The following ZC3H3 variants were observed in gnomAD, a reference collection of about 807,000 sequenced individuals.
ZC3H3 encodes zinc finger CCCH-type containing 3.
Under a neutral mutation model 77.3 loss-of-function variants are expected in ZC3H3, and 36 were observed. The ratio of observed to expected loss-of-function variants is 0.47; its 90% CI spans 0.36 to 0.61. The LOEUF is 0.61. Ranked by LOEUF, ZC3H3 falls within the 20% of genes least tolerant of loss-of-function variation. ZC3H3 has a pLI of 0.00. For synonymous variants in ZC3H3, 626 were observed against 555.2 expected, an observed-to-expected ratio of 1.13 and a Z score of -1.79; for missense variants, 1,331 against 1,312.2, an observed-to-expected ratio of 1.01 and a Z score of -0.22.
chr8:143,524,593 G>A (rs138078195), intron 3 of ZC3H3, among the ~76,000 whole-genome samples: 1 of 152,368 alleles, frequency 6.6e-6, no homozygotes, highest in Non-Finnish European at 1.5e-5. Flanking sequence ...TCAAGGAAGC[G>A]GCCAACAGCA....
chr8:143,449,886 C>T (rs1454599562), intron 9 of ZC3H3, among the ~76,000 whole-genome samples: 1 of 151,646 alleles, frequency 6.6e-6, no homozygotes, highest in South Asian at 2.1e-4. Flanking sequence ...AACCTTTGCT[C>T]CAGTTCCCAA....
intron 9 of ZC3H3, among the ~76,000 whole-genome samples, chr8:143,464,750 C>T (rs998494603): frequency 6.6e-6 from 1 of 152,150 alleles, no homozygotes; most frequent in Non-Finnish European, 1.5e-5. Flanking sequence ...GGCAGTGAGC[C>T]GTGCTGCAGG....
Position 143,448,305 on chromosome 8 carries a change from T to TA in ZC3H3, c.2308-7186dup, listed in dbSNP as rs1210664735. Among the ~76,000 whole-genome samples the TA allele has an allele frequency of 7.9e-3, 1,079 of 136,410 alleles. 9 individuals carry two copies. Among genetic ancestry groups the TA allele is most frequent in the Non-Finnish European group, 7.8e-3 (488 of 62,792 alleles). The allele number at this position is 136,410 out of a possible 152,430, so 89.5% of individuals were successfully genotyped here. A position where few individuals can be genotyped will look rare whatever the true frequency, so the allele number is the denominator to read the frequency against. On this transcript the variant is annotated intron_variant, in intron 9 of 11. Transcript: ENST00000262577. ...TGGGCAACAAGACTGAAACTCTGTCTAAAAAAAAAAAAAGAGACCAGGCAA... is the reference window on the plus strand; with the variant it reads ...TGGGCAACAAGACTGAAACTCTGTCTAAAAAAAAAAAAAAGAGACCAGGCAA...
chr8:143,480,586 C>G (rs956221651), intron 4 of ZC3H3, among the ~76,000 whole-genome samples: 1 of 152,264 alleles, frequency 6.6e-6, no homozygotes, highest in Non-Finnish European at 1.5e-5. Context: ...AGTGCACTGC[C>G]TGCCCCCAGG....
chr8:143,515,076 T>A (rs1403803076), intron 3 of ZC3H3, among the ~76,000 whole-genome samples: 1 of 152,228 alleles, frequency 6.6e-6, no homozygotes, highest in African/African-American at 2.4e-5. Context: ...CCGTCTGGAT[T>A]CACCAGTCCT....
chr8:143,440,899 C>T, intron 10 of ZC3H3, 37 bp downstream of exon 10: 1 of 1,364,858 alleles, frequency 7.3e-7, no homozygotes. Flanking sequence ...GAGGGGGCCA[C>T]CCAGGCTCAC....
Position 143,437,671 on chromosome 8 carries a change from C to A in ZC3H3, c.*385G>T, listed in dbSNP as rs1819622901. 6.6e-6 allele frequency: 2 copies of A among 300,964 alleles called. No individual in the cohort carries two copies. The highest frequency in any genetic ancestry group is 1.3e-5 in the Non-Finnish European group (2 of 154,148). The allele number at this position is 300,964 out of a possible 1,614,324, so 18.6% of individuals were successfully genotyped here. ...ACAAGCCAACCAGTTACGGATAGAA[C>A]CTTTATTGCTGAACATAAAACACCT... On this transcript the variant is annotated 3_prime_UTR_variant, in exon 12 of 12. Coordinates refer to ENST00000262577, the MANE Select transcript of ZC3H3 (RefSeq NM_015117.3).
intron 9 of ZC3H3, among the ~76,000 whole-genome samples, chr8:143,457,476 A>C (rs770330051): frequency 1.3e-5 from 2 of 152,172 alleles, no homozygotes; most frequent in South Asian, 4.1e-4. Flanking sequence ...TCATACCTAT[A>C]ATCTCAGCAC....
chr8:143,477,164 G>A (rs1437592356), intron 4 of ZC3H3, among the ~76,000 whole-genome samples: 3 of 152,356 alleles, frequency 2.0e-5, no homozygotes, highest in South Asian at 2.1e-4. Context: ...GCAGCCGGGG[G>A]CCTCCAAGGG....
chr8:143,482,513 C>T (rs1208026512), intron 4 of ZC3H3, among the ~76,000 whole-genome samples: 2 of 152,138 alleles, frequency 1.3e-5, no homozygotes, highest in African/African-American at 4.8e-5. Context: ...AGGCCCTGGT[C>T]AGTTACAGAC....
rs766459132 is a variant in ZC3H3, at chr8:143,538,605, G to A, written c.762C>T (p.Ser254=). 5 of 1,609,782 alleles carry A rather than the reference G, an allele frequency of 3.1e-6. No homozygotes were observed. In the Admixed American group the frequency reaches 8.3e-5, roughly 27 times the overall value. Residue 254 remains serine, a synonymous_variant, in exon 2 of 12, where the codon AGC becomes AGT. Coordinates refer to ENST00000262577, the MANE Select transcript of ZC3H3 (RefSeq NM_015117.3). ...GRKLGSHSVA[S]CAPQLLGDRR... Reference sequence around the variant, plus strand: ...TGTCCCCAAGGAGCTGTGGAGCACAGCTGGCCACGGAATGAGAACCCAGCT... The same window carrying A: ...TGTCCCCAAGGAGCTGTGGAGCACAACTGGCCACGGAATGAGAACCCAGCT...
At position 143,480,398 on chromosome 8, in the gene ZC3H3, C is replaced by T. The variant is rs775573062; in HGVS notation, c.1716-4813G>A. On this transcript the variant is annotated intron_variant, in intron 4 of 11. Coordinates refer to ENST00000262577, the MANE Select transcript of ZC3H3 (RefSeq NM_015117.3). ...CTGGACACCCACACTCTACCCACTCCGAGGGCACTGCCCGTGGCAGGTCAG... is the reference window on the plus strand; with the variant it reads ...CTGGACACCCACACTCTACCCACTCTGAGGGCACTGCCCGTGGCAGGTCAG... Among the ~76,000 whole-genome samples, 171 of 152,352 alleles carry T rather than the reference C, an allele frequency of 1.1e-3. 1 individual carries two copies. The highest frequency in any genetic ancestry group is 7.0e-4 in the African/African-American group (29 of 41,590).
At chr8:143,502,424 T>C (rs973947754) in intron 4 of ZC3H3, among the ~76,000 whole-genome samples, 11 of 152,254 alleles carry the variant, frequency 7.2e-5, no homozygotes, top group African/African-American at 2.4e-4. Flanking sequence ...GACGCCACTT[T>C]GGAGAAGCGT....
chr8:143,541,011 G>A (rs1164950989), intron 1 of ZC3H3, among the ~76,000 whole-genome samples: 3 of 152,222 alleles, frequency 2.0e-5, no homozygotes, highest in Non-Finnish European at 4.4e-5. Flanking sequence ...CTGCTCTGCC[G>A]AAATGAGCCA....
chr8:143,518,083 G>A (rs1273998560), intron 3 of ZC3H3, among the ~76,000 whole-genome samples: 1 of 152,204 alleles, frequency 6.6e-6, no homozygotes, highest in African/African-American at 2.4e-5. Flanking sequence ...CCTTCTGCAT[G>A]AGCGCCATGG....
chr8:143,454,065 AT>A (rs1193858315), intron 9 of ZC3H3, among the ~76,000 whole-genome samples: 3 of 142,442 alleles, frequency 2.1e-5, no homozygotes, highest in Non-Finnish European at 4.5e-5. Context: ...GAAATAAACA[AT>A]TCATAACTTT....
intron 9 of ZC3H3, among the ~76,000 whole-genome samples, chr8:143,465,347 G>C (rs1002826590): frequency 1.3e-5 from 2 of 151,856 alleles, no homozygotes; most frequent in East Asian, 1.9e-4. Context: ...GCAGCCCTGC[G>C]GGCTCCCTGG....
At chr8:143,489,358 GGAGTCCTGGA>G (rs1251513259) in intron 4 of ZC3H3, among the ~76,000 whole-genome samples, 1 of 152,184 alleles carries the variant, frequency 6.6e-6, no homozygotes, top group East Asian at 1.9e-4. Flanking sequence ...GTGGGGTGGG[GGAGTCCTGGA>G]GGACAAGCAG....
At chr8:143,527,501 C>T (rs1166148026) in intron 3 of ZC3H3, among the ~76,000 whole-genome samples, 70 of 152,196 alleles carry the variant, frequency 4.6e-4, no homozygotes, top group Non-Finnish European at 7.3e-5. Flanking sequence ...CACGCCAGTT[C>T]TGTGAAGTAA....
Sources: allele counts gnomAD v4.1 joint callset (sites outside exome capture counted in the v4.1 genomes callset), GRCh38; gene constraint gnomAD v4.1.1; transcripts MANE v1.5; gene names NCBI Gene and HGNC (gene_info 2026-07-23, HGNC 2026-07-21).